The following PDE4D variants were observed in gnomAD, a reference collection of about 807,000 sequenced individuals.
PDE4D encodes 3',5'-cyclic-AMP phosphodiesterase 4D.
PDE4D carries 24 observed loss-of-function variants against 87.4 expected under a neutral mutation model. The observed-to-expected ratio is 0.27, with a 90% confidence interval of 0.20 to 0.39. PDE4D has a LOEUF of 0.39. PDE4D is among the 10% of genes least tolerant of loss of function. The pLI is 1.00. For synonymous variants in PDE4D, 384 were observed against 383.2 expected (o/e 1.00, Z -0.02); for missense variants, 714 against 1,041.0 (o/e 0.69, Z 4.32).
chr5:59,571,234 T>C (rs1300047280), intron 1 of PDE4D, among the ~76,000 whole-genome samples: 1 of 152,200 alleles, frequency 6.6e-6, no homozygotes, highest in Non-Finnish European at 1.5e-5. Flanking sequence ...AAGAACAATA[T>C]ATGCCAGGCT....
Position 60,198,608 on chromosome 5 carries a change from C to A in PDE4D, c.-89-12921G>T, listed in dbSNP as rs1741555543. 1.3e-5 allele frequency among the ~76,000 whole-genome samples: 2 copies of A among 151,556 alleles called. 1 individual carries two copies. The highest frequency in any genetic ancestry group is 3.0e-5 in the Non-Finnish European group (2 of 67,732). On this transcript the variant is annotated intron_variant, in intron 1 of 16. Coordinates refer to the PDE4D transcript ENST00000502484. ...CATGTCAGCGTATATAACCACTGTA[C>A]CTAACTCTAAGAAGGCACTCCTTAA...
chr5:59,604,347 G>T (rs1001375056), intron 1 of PDE4D, among the ~76,000 whole-genome samples: 1 of 152,026 alleles, frequency 6.6e-6, no homozygotes, highest in Non-Finnish European at 1.5e-5. Flanking sequence ...TCAATGCATA[G>T]TTGTTTCCCT....
intron 1 of PDE4D, among the ~76,000 whole-genome samples, chr5:60,266,350 T>C (rs1324821282): frequency 6.6e-6 from 1 of 152,232 alleles, no homozygotes; most frequent in African/African-American, 2.4e-5. Flanking sequence ...TTTTTTAATA[T>C]AATTTTTATA....
intron 5 of PDE4D, among the ~76,000 whole-genome samples, chr5:59,069,864 G>A (rs1764479624): frequency 6.6e-6 from 1 of 152,104 alleles, no homozygotes; most frequent in African/African-American, 2.4e-5. Context: ...TGGAAAAAAT[G>A]CAGAGGGGTG....
At position 60,284,682 on chromosome 5, in the gene PDE4D, C is replaced by T. The variant is rs944899843; in HGVS notation, c.-89-98995G>A. The stretch of plus-strand genomic sequence containing the variant: ...ACTCAAATAGTGAGAATCTGTAACA[C>T]TTTGTTCACCTTTCATCCCCACTTT... On this transcript the variant is annotated intron_variant, in intron 1 of 16. Transcript: ENST00000502484. Among the ~76,000 whole-genome samples, 4 of 152,260 alleles carry T rather than the reference C, an allele frequency of 2.6e-5. No homozygotes were observed. The East Asian group carries it at 5.8e-4, about 22-fold the overall frequency.
intron 2 of PDE4D, among the ~76,000 whole-genome samples, chr5:60,040,188 T>C (rs1298193056): frequency 2.0e-5 from 3 of 152,358 alleles, no homozygotes; most frequent in Admixed American, 6.5e-5. Flanking sequence ...AATTCTTTTC[T>C]GAGTTTTTCT....
intron 2 of PDE4D, among the ~76,000 whole-genome samples, chr5:60,103,513 C>T (rs1385344704): frequency 6.6e-6 from 1 of 152,098 alleles, no homozygotes; most frequent in Admixed American, 6.6e-5. Flanking sequence ...AACATGTAGC[C>T]AGGCCCCAAC....
chr5:59,495,324 C>G (rs1806974023), intron 1 of PDE4D, among the ~76,000 whole-genome samples: 2 of 152,194 alleles, frequency 1.3e-5, no homozygotes, highest in Admixed American at 1.3e-4. Context: ...ATCATATCTA[C>G]TTACTCCATT....
intron 1 of PDE4D, among the ~76,000 whole-genome samples, chr5:59,793,140 T>C (rs997250013): frequency 6.6e-6 from 1 of 152,178 alleles, no homozygotes; most frequent in African/African-American, 2.4e-5. Flanking sequence ...GTGAGTTCCG[T>C]GGAGGTGCAT....
At chr5:59,623,748 G>T (rs1418931682) in intron 1 of PDE4D, among the ~76,000 whole-genome samples, 1 of 152,128 alleles carries the variant, frequency 6.6e-6, no homozygotes, top group Non-Finnish European at 1.5e-5. Flanking sequence ...GATGTTCAAT[G>T]AATCGTGCTA....
Position 59,034,992 on chromosome 5 carries a change from T to G in PDE4D, c.921+3867A>C, listed in dbSNP as rs1253182610. Among the ~76,000 whole-genome samples, 8 of 152,354 alleles carry G rather than the reference T, an allele frequency of 5.3e-5. No homozygotes were observed. In the East Asian group the frequency reaches 1.5e-3, roughly 29 times the overall value. On this transcript the variant is annotated intron_variant, in intron 6 of 14. Coordinates refer to ENST00000340635, the MANE Select transcript of PDE4D (RefSeq NM_001104631.2). ...GGAAGGCCTGGTGAAATGTGCATTA[T>G]TAGGTCACAAGAGGATAACGTTACA...
rs1755420873 is a variant in PDE4D, at chr5:59,232,425, A to C, written c.456-16457T>G. Reference sequence around the variant, plus strand: ...TAAAATGACCAACAGGTATGTAAAAAGTACTCAACATTACTAATCATCAGG... The same window carrying C: ...TAAAATGACCAACAGGTATGTAAAACGTACTCAACATTACTAATCATCAGG... On this transcript the variant is annotated intron_variant, in intron 1 of 14. Transcript: ENST00000340635. 2.0e-5 allele frequency among the ~76,000 whole-genome samples: 3 copies of C among 152,018 alleles called. No individual in the cohort carries two copies. In the South Asian group the frequency reaches 6.2e-4, roughly 31 times the overall value.
At chr5:59,268,400 T>C (rs756509281) in intron 1 of PDE4D, among the ~76,000 whole-genome samples, 12 of 152,068 alleles carry the variant, frequency 7.9e-5, no homozygotes, top group Non-Finnish European at 1.5e-4. Context: ...GACATATCAC[T>C]GGCACGGGCT....
intron 3 of PDE4D, among the ~76,000 whole-genome samples, chr5:59,913,356 G>A (rs13362124): frequency 0.65 from 98,743 of 152,074 alleles, 34,396 homozygotes; most frequent in African/African-American, 0.91. Flanking sequence ...GGGGTTGTAG[G>A]TGTGGCAGTT....
intron 1 of PDE4D, among the ~76,000 whole-genome samples, chr5:59,482,146 A>G (rs536956546): frequency 6.6e-6 from 1 of 152,168 alleles, no homozygotes; most frequent in South Asian, 2.1e-4. Context: ...TAACATTCAT[A>G]CCCTCTCCAG....
intron 1 of PDE4D, among the ~76,000 whole-genome samples, chr5:60,339,129 T>C (rs1758083218): frequency 6.6e-6 from 1 of 152,160 alleles, no homozygotes; most frequent in African/African-American, 2.4e-5. Context: ...CACATCTTCA[T>C]GGATAGAAGA....
rs1412781542 is a variant in PDE4D, at chr5:59,893,706, TGCC to T, written c.-87_-85del. The T allele has an allele frequency of 4.4e-5, 60 of 1,370,372 alleles. No homozygotes were observed. The highest frequency in any genetic ancestry group is 2.3e-4 in the Middle Eastern group (1 of 4,304). 84.9% of individuals were successfully genotyped at this position (1,370,372 alleles called of 1,614,324 possible). ...GCCTTCCTGATGCTGCTGCTGCTGC[TGCC>T]GCCGCCGCCGCTTCTGCAGCCCAGC... On this transcript the variant is annotated 5_prime_UTR_variant, in exon 1 of 15. Transcript: ENST00000340635.
intron 2 of PDE4D, among the ~76,000 whole-genome samples, chr5:60,137,127 A>C (rs554318446): frequency 9.2e-5 from 14 of 152,314 alleles, no homozygotes; most frequent in African/African-American, 3.1e-4. Context: ...ATGTTCCCAC[A>C]AAAGACAGGA....
At chr5:59,156,142 A>G in intron 5 of PDE4D, among the ~76,000 whole-genome samples, 1 of 151,920 alleles carries the variant, frequency 6.6e-6, no homozygotes, top group Non-Finnish European at 1.5e-5. Flanking sequence ...CAGGTAAGGA[A>G]GTGGAAAAGG....
Sources: allele counts gnomAD v4.1 joint callset (sites outside exome capture counted in the v4.1 genomes callset), GRCh38; gene constraint gnomAD v4.1.1; transcripts MANE v1.5; gene names NCBI Gene and HGNC (gene_info 2026-07-23, HGNC 2026-07-21).